Variants in VPS13C observed in about 807,000 individuals in gnomAD.
VPS13C encodes the protein vacuolar protein sorting 13 homolog C.
Under a neutral mutation model 456.8 loss-of-function variants are expected in VPS13C, and 358 were observed. The observed-to-expected ratio is 0.78, with a 90% confidence interval of 0.72 to 0.86. The LOEUF is 0.86. Ranked by LOEUF, VPS13C falls within the 40% of genes least tolerant of loss-of-function variation. The pLI is 0.00. For synonymous variants in VPS13C, 1,578 were observed against 1,486.7 expected, an observed-to-expected ratio of 1.06 and a Z score of -1.41; for missense variants, 4,818 against 4,385.4, an observed-to-expected ratio of 1.10 and a Z score of -2.79.
chr15:62,024,590 T>C (rs780066818), intron 6 of VPS13C, among the ~76,000 whole-genome samples: 24 of 152,090 alleles, frequency 1.6e-4, no homozygotes, highest in Non-Finnish European at 2.5e-4. Context: ...CAGCTCCTAC[T>C]AAAGGTCCTT....
chr15:61,971,929 G>A (rs1337804628), intron 27 of VPS13C, among the ~76,000 whole-genome samples: 1 of 152,076 alleles, frequency 6.6e-6, no homozygotes, highest in Admixed American at 6.5e-5. Context: ...CAGTCAATAA[G>A]GAACACCTCC....
intron 53 of VPS13C, among the ~76,000 whole-genome samples, chr15:61,924,088 G>A (rs922862085): frequency 7.3e-5 from 11 of 150,890 alleles, no homozygotes; most frequent in African/African-American, 1.2e-4. Context: ...GGATGGTCTC[G>A]ATCTCCTGAC....
At chr15:61,964,024 A>C in intron 31 of VPS13C, 73 bp from the exon 32 acceptor site, 3 of 903,954 alleles carry the variant, frequency 3.3e-6, no homozygotes, top group Non-Finnish European at 3.4e-6. Context: ...TTTATTCGCT[A>C]TATTAAGTGA....
At chr15:61,945,914 C>T in intron 44 of VPS13C, 32 bp from the exon 45 acceptor site, 1 of 1,567,098 alleles carries the variant, frequency 6.4e-7, no homozygotes, top group South Asian at 1.2e-5. Context: ...GTTATTATAT[C>T]AAAAGAGCTG....
chr15:61,965,008 C>A, intron 30 of VPS13C, 147 bp from the exon 31 acceptor site: 2 of 740,892 alleles, frequency 2.7e-6, no homozygotes, highest in Non-Finnish European at 4.3e-6. Flanking sequence ...GATTCACAAT[C>A]CCCTTAAAAA....
intron 1 of VPS13C, among the ~76,000 whole-genome samples, chr15:62,051,569 T>C (rs2048619376): frequency 1.3e-5 from 2 of 152,174 alleles, no homozygotes; most frequent in Non-Finnish European, 2.9e-5. Flanking sequence ...AGGATTTTAA[T>C]TCAGAAGGTA....
In VPS13C at chr15:61,982,576, A is replaced by C; in HGVS notation, c.1915-3T>G. The C allele has an allele frequency of 6.3e-7, 1 of 1,593,576 alleles. No homozygotes were observed. Among genetic ancestry groups the C allele is most frequent in the Non-Finnish European group, 8.5e-7 (1 of 1,174,202 alleles). ...TCAACCACTGCATTGACAGTTTTCT[A>C]TAAGAAAATTTTTTTAACATAACCA... On this transcript the variant is annotated splice_polypyrimidine_tract_variant and splice_region_variant and intron_variant, in intron 20 of 84. Transcript: ENST00000644861.
chr15:61,898,860 T>A (rs2042911946), intron 66 of VPS13C, among the ~76,000 whole-genome samples: 1 of 97,004 alleles, frequency 1.0e-5, no homozygotes, highest in African/African-American at 3.7e-5. Context: ...GAAGTAAAGC[T>A]CTCCTCAGCA....
At chr15:61,946,043 T>C (rs1411698585) in intron 44 of VPS13C, among the ~76,000 whole-genome samples, 161 bp from the exon 45 acceptor site, 1 of 152,152 alleles carries the variant, frequency 6.6e-6, no homozygotes, top group Non-Finnish European at 1.5e-5. Context: ...TGACAATAAC[T>C]TCTTCCTATT....
intron 6 of VPS13C, among the ~76,000 whole-genome samples, chr15:62,024,347 T>A (rs2047561667): frequency 6.6e-6 from 1 of 152,066 alleles, no homozygotes; most frequent in Non-Finnish European, 1.5e-5. Flanking sequence ...CTCAAGGATA[T>A]AAAGAACATT....
chr15:61,897,806 T>A (rs955075361), intron 66 of VPS13C, among the ~76,000 whole-genome samples: 39 of 152,106 alleles, frequency 2.6e-4, no homozygotes, highest in African/African-American at 8.7e-4. Flanking sequence ...ATTGTCAGAT[T>A]CACCAAAGTT....
At chr15:62,001,968 G>A (rs1008589011) in intron 15 of VPS13C, among the ~76,000 whole-genome samples, 6 of 152,096 alleles carry the variant, frequency 3.9e-5, no homozygotes, top group Non-Finnish European at 7.4e-5. Context: ...GAATAATGCC[G>A]CAATAAACAT....
intron 66 of VPS13C, among the ~76,000 whole-genome samples, chr15:61,896,401 G>A (rs560125656): frequency 6.6e-6 from 1 of 152,214 alleles, no homozygotes; most frequent in Non-Finnish European, 1.5e-5. Flanking sequence ...CACGCATGGT[G>A]CGCGAGCCGA....
intron 2 of VPS13C, 118 bp from the exon 3 acceptor site, chr15:62,041,484 A>G (rs2048239492): frequency 6.5e-6 from 6 of 928,424 alleles, no homozygotes; most frequent in Middle Eastern, 2.5e-4. Flanking sequence ...CAAATTTTCT[A>G]TATTTGAATA....
At chr15:61,894,466 A>C (rs978462530) in intron 66 of VPS13C, among the ~76,000 whole-genome samples, 4 of 152,176 alleles carry the variant, frequency 2.6e-5, no homozygotes, top group Non-Finnish European at 5.9e-5. Context: ...TGGCCCAACT[A>C]TATGTTGTCT....
intron 50 of VPS13C, among the ~76,000 whole-genome samples, chr15:61,930,186 G>A (rs1449531317): frequency 7.9e-5 from 12 of 152,090 alleles, no homozygotes; most frequent in Non-Finnish European, 1.6e-4. Flanking sequence ...ATCATCCTAC[G>A]AAAATTTGAG....
At position 61,856,353 on chromosome 15, in the gene VPS13C, T is replaced by C. The variant is rs752441768; in HGVS notation, c.11009A>G (p.Gln3670Arg). Reference protein sequence around the residue: ...EILGLMCVDWQCPFEDFVFPP... With the variant: ...EILGLMCVDWRCPFEDFVFPP... ...AAATACAAAATCTTCAAATGGACAT[T>C]GCCAGTCTACACACATAAGGCCCAG... The change falls in exon 83 of 85, where the codon CAA becomes CGA. Residue 3670 changes from glutamine (Q) to arginine (R), a missense_variant. By Grantham distance (43) the Gln-to-Arg change is conservative. This residue lies in a region of VPS13C where 261 missense variants were observed against 234.1 expected (regional missense o/e 1.11). Transcript: ENST00000644861. 1.1e-5 allele frequency: 17 copies of C among 1,613,272 alleles called. No individual in the cohort carries two copies. Among genetic ancestry groups the C allele is most frequent in the Admixed American group, 6.7e-5 (4 of 59,940 alleles).
At chr15:62,017,685 G>A (rs147223204) in intron 9 of VPS13C, among the ~76,000 whole-genome samples, 1,671 of 152,242 alleles carry the variant, frequency 0.011, 42 homozygotes, top group African/African-American at 0.039. Flanking sequence ...TTTGGTTACT[G>A]TAGCCTTGGA....
At chr15:62,010,816 T>C (rs543764147) in intron 12 of VPS13C, among the ~76,000 whole-genome samples, 2 of 152,238 alleles carry the variant, frequency 1.3e-5, no homozygotes, top group South Asian at 2.1e-4. Flanking sequence ...AAGGAGGAAA[T>C]TGGAATCCCA....
Sources: allele counts gnomAD v4.1 joint callset (sites outside exome capture counted in the v4.1 genomes callset), GRCh38; gene constraint gnomAD v4.1.1; regional missense constraint gnomAD v4.1.1; transcripts MANE v1.5; gene names NCBI Gene and HGNC (gene_info 2026-07-23, HGNC 2026-07-21).